Variants in GLIPR2 observed in about 807,000 individuals in gnomAD.
The protein encoded by GLIPR2 is GLI pathogenesis related 2, also known as Golgi-associated plant pathogenesis-related protein 1.
GLIPR2 carries 21 observed loss-of-function variants against 20.4 expected under a neutral mutation model. The ratio of observed to expected loss-of-function variants is 1.03; its 90% CI spans 0.73 to 1.48. The LOEUF is 1.48. Among genes scored for constraint, GLIPR2 ranks in the 40% most tolerant of loss-of-function variants. GLIPR2 has a pLI of 0.00. For synonymous variants in GLIPR2, 91 were observed against 80.5 expected (o/e 1.13, Z -0.70); for missense variants, 205 against 200.1 (o/e 1.02, Z -0.15).
Position 36,150,899 on chromosome 9 carries a change from G to A in GLIPR2, c.254G>A (p.Ser85Asn). ...TGKEVADRWY[S>N]EIKNYNFQQP... ...AAGGAGGTGGCTGATAGATGGTACAGTGAAATCAAGAACTATAACTTCCAG... is the reference window on the plus strand; with the variant it reads ...AAGGAGGTGGCTGATAGATGGTACAATGAAATCAAGAACTATAACTTCCAG... The change falls in exon 4 of 5, where the codon AGT (serine) becomes AAT (asparagine). Residue 85 changes from serine (S) to asparagine (N), a missense_variant. By Grantham distance (46) the Ser-to-Asn change is conservative (BLOSUM62 1). Transcript: ENST00000377960. The A allele has an allele frequency of 6.2e-7, 1 of 1,613,942 alleles. No homozygotes were observed. The highest frequency in any genetic ancestry group is 8.5e-7 in the Non-Finnish European group (1 of 1,179,820).
chr9:36,159,482 C>T (rs1264024625), intron 4 of GLIPR2, among the ~76,000 whole-genome samples: 1 of 152,174 alleles, frequency 6.6e-6, no homozygotes, highest in Admixed American at 6.5e-5. Flanking sequence ...CCAGGCTATG[C>T]CAAGGTACTG....
At chr9:36,149,743 C>T (rs1825500100) in intron 3 of GLIPR2, among the ~76,000 whole-genome samples, 1 of 152,138 alleles carries the variant, frequency 6.6e-6, no homozygotes, top group South Asian at 2.1e-4. Flanking sequence ...TAAAAAAATA[C>T]CAGGCTGGGC....
intron 1 of GLIPR2, among the ~76,000 whole-genome samples, chr9:36,139,599 T>C (rs1406320048): frequency 6.6e-6 from 1 of 152,198 alleles, no homozygotes. Flanking sequence ...CTCTGTGTGC[T>C]TCTGTAAAGA....
In GLIPR2 at chr9:36,150,910, A is replaced by C. The variant is rs955497663; in HGVS notation, c.265A>C (p.Asn89His). 1.2e-6 allele frequency: 2 copies of C among 1,613,814 alleles called. No individual in the cohort carries two copies. The highest frequency in any genetic ancestry group is 2.7e-5 in the African/African-American group (2 of 74,886). ...VADRWYSEIKNYNFQQPGFTS... is the reference protein window; with the variant it reads ...VADRWYSEIKHYNFQQPGFTS... ...TGATAGATGGTACAGTGAAATCAAG[A>C]ACTATAACTTCCAGCAGCCTGGCTT... Residue 89 changes from asparagine (N) to histidine (H), a missense_variant, in exon 4 of 5, where the codon AAC becomes CAC. Transcript: ENST00000377960.
intron 1 of GLIPR2, among the ~76,000 whole-genome samples, chr9:36,146,853 G>A (rs924431823): frequency 6.6e-6 from 1 of 152,118 alleles, no homozygotes; most frequent in Non-Finnish European, 1.5e-5. Context: ...TGGAAGCCTC[G>A]TGCTTGCAGC....
At chr9:36,140,706 C>T (rs1170492598) in intron 1 of GLIPR2, among the ~76,000 whole-genome samples, 1 of 152,064 alleles carries the variant, frequency 6.6e-6, no homozygotes, top group Non-Finnish European at 1.5e-5. Context: ...GGAAGCAATT[C>T]GTAAAGTGGA....
Position 36,136,804 on chromosome 9 carries a change from G to A in GLIPR2, c.13+13G>A. 1 of 1,298,024 alleles carries A rather than the reference G, an allele frequency of 7.7e-7. No individual in the cohort carries two copies. Among genetic ancestry groups the A allele is most frequent in the Non-Finnish European group, 9.7e-7 (1 of 1,026,328 alleles). 80.4% of individuals were successfully genotyped at this position (1,298,024 alleles called of 1,614,324 possible). A position where few individuals can be genotyped will look rare whatever the true frequency, so the allele number is the denominator to read the frequency against. ...ATGGGCAAGTCAGGTGAGCCCGCGGGCTCGCCCGCTGCGGAATGGTTCGGA... is the reference window on the plus strand; with the variant it reads ...ATGGGCAAGTCAGGTGAGCCCGCGGACTCGCCCGCTGCGGAATGGTTCGGA... On this transcript the variant is annotated intron_variant, in intron 1 of 4. Transcript: ENST00000377960. The surrounding 1 kb of genome is among the most constrained non-coding windows in gnomAD (Gnocchi z 4.3).
At position 36,136,782 on chromosome 9, in the gene GLIPR2, G is replaced by A; in HGVS notation, c.4G>A (p.Gly2Ser). Residue 2 changes from glycine (G) to serine (S), a missense_variant, in exon 1 of 5, where the codon GGC becomes AGC. Physicochemically the swap from Gly to Ser is moderately conservative, Grantham distance 56. Transcript: ENST00000377960. The surrounding 1 kb of genome is among the most constrained non-coding windows in gnomAD (Gnocchi z 4.3). M[G>S]KSASKQFHNE... ...CGAGGAGCGCGCGGAGCCGGCCATG[G>A]GCAAGTCAGGTGAGCCCGCGGGCTC... is the stretch of plus-strand genomic sequence containing the variant. 6.9e-6 allele frequency: 9 copies of A among 1,302,914 alleles called. No individual in the cohort carries two copies. The highest frequency in any genetic ancestry group is 8.7e-6 in the Non-Finnish European group (9 of 1,028,664). 80.7% of individuals were successfully genotyped at this position (1,302,914 alleles called of 1,614,324 possible).
At position 36,162,364 on chromosome 9, in the gene GLIPR2, C is replaced by T; in HGVS notation, c.307C>T (p.His103Tyr). Residue 103 changes from histidine (H) to tyrosine (Y), a missense_variant and splice_region_variant, in exon 5 of 5, where the codon CAC becomes TAC. His to Tyr is a moderately conservative substitution (Grantham distance 83). Transcript: ENST00000377960. The part of the protein sequence containing the change: ...QQPGFTSGTG[H>Y]FTAMVWKNTK... Reference sequence around the variant, plus strand: ...TCCCTCTGCCCGTTCCCCTACAGGACACTTCACGGCCATGGTATGGAAGAA... The same window carrying T: ...TCCCTCTGCCCGTTCCCCTACAGGATACTTCACGGCCATGGTATGGAAGAA... 1 of 1,611,042 alleles carries T rather than the reference C, an allele frequency of 6.2e-7. No individual in the cohort carries two copies. Among genetic ancestry groups the T allele is most frequent in the Non-Finnish European group, 8.5e-7 (1 of 1,178,274 alleles).
chr9:36,144,538 G>C (rs886853421), intron 1 of GLIPR2: 1 of 152,214 alleles, frequency 6.6e-6, no homozygotes, highest in Non-Finnish European at 1.5e-5. Context: ...GATACTTCAG[G>C]TTGTAGCTCC....
At chr9:36,158,278 A>G (rs1310996957) in intron 4 of GLIPR2, among the ~76,000 whole-genome samples, 1 of 152,248 alleles carries the variant, frequency 6.6e-6, no homozygotes, top group East Asian at 1.9e-4. Context: ...ACTGTCTTCC[A>G]GAGCAGCTGT....
intron 4 of GLIPR2, among the ~76,000 whole-genome samples, chr9:36,161,289 C>T (rs1826042639): frequency 6.6e-6 from 1 of 152,006 alleles, no homozygotes; most frequent in Non-Finnish European, 1.5e-5. Context: ...ATGGAGGTAC[C>T]ATTGATGGAG....
intron 3 of GLIPR2, among the ~76,000 whole-genome samples, chr9:36,149,634 C>G (rs1281219726): frequency 6.6e-6 from 1 of 152,236 alleles, no homozygotes; most frequent in Non-Finnish European, 1.5e-5. Context: ...CCCTCCTCTG[C>G]CCCCAGTTTC....
rs1391588059 is a variant in GLIPR2 at position 36,147,782 on chromosome 9, C to G, written c.14-4C>G. The G allele has an allele frequency of 7.3e-7, 1 of 1,372,252 alleles. No homozygotes were observed. The highest frequency in any genetic ancestry group is 1.4e-5 in the African/African-American group (1 of 70,252). The allele number at this position is 1,372,252 out of a possible 1,614,324, so 85.0% of individuals were successfully genotyped here. ...AGCCATTCTCCATTTTGCAATCATT[C>G]CAGCTTCCAAACAGTTTCATAATGA... On this transcript the variant is annotated splice_region_variant and splice_polypyrimidine_tract_variant and intron_variant, in intron 1 of 4. Coordinates refer to ENST00000377960, the MANE Select transcript of GLIPR2 (RefSeq NM_022343.4).
Position 36,148,519 on chromosome 9 carries a change from C to T in GLIPR2, c.123-28C>T, listed in dbSNP as rs1825439081. ...TTGGGGGTTCCCTGAACTGCACCTG[C>T]TCTGAGGAGGCGCTGTGAACTCTGC... On this transcript the variant is annotated intron_variant, in intron 2 of 4. Coordinates refer to ENST00000377960, the MANE Select transcript of GLIPR2 (RefSeq NM_022343.4). The T allele has an allele frequency of 3.8e-6, 6 of 1,561,672 alleles. No individual in the cohort carries two copies. In the African/African-American group the frequency reaches 4.1e-5, roughly 11 times the overall value.
chr9:36,148,452 G>A, intron 2 of GLIPR2, 95 bp from the exon 3 acceptor site: 1 of 811,996 alleles, frequency 1.2e-6, no homozygotes, highest in South Asian at 1.5e-5. Flanking sequence ...TGAGCCCGGG[G>A]CAGGGAAGGA....
chr9:36,137,151 G>T (rs754914545), intron 1 of GLIPR2, among the ~76,000 whole-genome samples: 5 of 152,150 alleles, frequency 3.3e-5, no homozygotes, highest in Non-Finnish European at 7.4e-5. Flanking sequence ...AGTTTGCCCC[G>T]CTCGGCTGTC....
At chr9:36,152,981 A>T (rs148658271) in intron 4 of GLIPR2, among the ~76,000 whole-genome samples, 1 of 135,444 alleles carries the variant, frequency 7.4e-6, no homozygotes. Flanking sequence ...AAAAAAAAAA[A>T]GCCAGGTGTG....
At chr9:36,155,202 A>G (rs1825779642) in intron 4 of GLIPR2, among the ~76,000 whole-genome samples, 1 of 152,228 alleles carries the variant, frequency 6.6e-6, no homozygotes, top group African/African-American at 2.4e-5. Context: ...TGTCAACTAT[A>G]TGGATTCGTT....
Sources: gnomAD v4.1 joint callset for allele counts (sites outside exome capture counted in the v4.1 genomes callset) on GRCh38, gnomAD v4.1.1 for gene constraint, Gnocchi (gnomAD v3.1) non-coding constraint, MANE v1.5 for transcripts, NCBI Gene and HGNC (gene_info 2026-07-23, HGNC 2026-07-21) for gene names.